The following BCAS3 variants were observed in gnomAD, a reference collection of about 807,000 sequenced individuals.
The protein encoded by BCAS3 is BCAS3 microtubule associated cell migration factor.
A neutral mutation model predicts 116.1 loss-of-function variants in BCAS3; 53 were observed. The ratio of observed to expected loss-of-function variants is 0.46; its 90% CI spans 0.37 to 0.57. The LOEUF (loss-of-function observed/expected upper bound fraction) is 0.57, where lower values mean the gene tolerates loss of function less well. Among genes scored for constraint, BCAS3 ranks in the 20% least tolerant of loss-of-function variants. The pLI is 0.00. For missense variants in BCAS3, 917 were observed against 1,165.4 expected (o/e 0.79, Z 3.10); for synonymous variants, 391 against 408.2 (o/e 0.96, Z 0.51).
At chr17:60,857,620 C>A (rs955546798) in intron 7 of BCAS3, among the ~76,000 whole-genome samples, 1 of 152,104 alleles carries the variant, frequency 6.6e-6, no homozygotes, top group Non-Finnish European at 1.5e-5. Context: ...CTCTCATCAG[C>A]CTGCCCATGA....
Position 61,180,726 on chromosome 17 carries a change from G to A in BCAS3, c.2425+96162G>A, listed in dbSNP as rs2079431566. 6.6e-6 allele frequency among the ~76,000 whole-genome samples: 1 copy of A among 152,210 alleles called. No individual in the cohort carries two copies. Among genetic ancestry groups the A allele is most frequent in the African/African-American group, 2.4e-5 (1 of 41,454 alleles). On this transcript the variant is annotated intron_variant, in intron 22 of 23. Coordinates refer to ENST00000407086, the MANE Select transcript of BCAS3 (RefSeq NM_017679.5). This position sits in a 1 kb window ranked among gnomAD's most constrained non-coding sequence, Gnocchi z 6.0. ...AAAGCAGCAGCTTAGATGGCATATG[G>A]CACTATCTGCAGTAGGCTTTGTGCT...
chr17:61,116,934 T>G (rs2075500799), intron 22 of BCAS3, among the ~76,000 whole-genome samples: 1 of 152,208 alleles, frequency 6.6e-6, no homozygotes, highest in African/African-American at 2.4e-5. Flanking sequence ...TGTCTTTCAT[T>G]TTCAGAAGTT....
In BCAS3 at chr17:61,214,993, C is replaced by T. The variant is rs921352429; in HGVS notation, c.2425+130429C>T. ...TACAGCCTCTATATACCTCTTACAC[C>T]CACTAGATAGAACTAATCAGGATCT... On this transcript the variant is annotated intron_variant, in intron 22 of 23. Transcript: ENST00000407086. The surrounding 1 kb of genome is among the most constrained non-coding windows in gnomAD (Gnocchi z 4.4). Among the ~76,000 whole-genome samples, 1 of 152,118 alleles carries T rather than the reference C, an allele frequency of 6.6e-6. No homozygotes were observed. Among genetic ancestry groups the T allele is most frequent in the African/African-American group, 2.4e-5 (1 of 41,414 alleles).
chr17:61,085,362 A>G (rs938418462), intron 22 of BCAS3, among the ~76,000 whole-genome samples: 2 of 152,236 alleles, frequency 1.3e-5, no homozygotes, highest in Non-Finnish European at 2.9e-5. Flanking sequence ...CAGTTGAGTC[A>G]GAGAGGATTT....
Position 61,066,320 on chromosome 17 carries a change from T to C in BCAS3, c.2030-8600T>C, listed in dbSNP as rs531681386. 2.0e-5 allele frequency among the ~76,000 whole-genome samples: 3 copies of C among 152,342 alleles called. No homozygotes were observed. The East Asian group carries it at 5.8e-4, about 29-fold the overall frequency. On this transcript the variant is annotated intron_variant, in intron 19 of 23. Coordinates refer to ENST00000407086, the MANE Select transcript of BCAS3 (RefSeq NM_017679.5). ...CAAACCAAATAGACTTTTCCTTCAT[T>C]ACTTTCATAAATAAGCACTGCTCGA...
Position 61,097,303 on chromosome 17 carries a change from C to T in BCAS3, c.2425+12739C>T, listed in dbSNP as rs141744404. ...ATGCCATTCTCTTGCCTCAGCCTCC[C>T]GAGTAGCTGGGACTACAGGCGCCCG... is the stretch of plus-strand genomic sequence containing the variant. On this transcript the variant is annotated intron_variant, in intron 22 of 23. Coordinates refer to ENST00000407086, the MANE Select transcript of BCAS3 (RefSeq NM_017679.5). The surrounding 1 kb of genome is among the most constrained non-coding windows in gnomAD (Gnocchi z 4.0). Among the ~76,000 whole-genome samples the T allele has an allele frequency of 1.5e-3, 226 of 152,212 alleles. 3 individuals carry two copies. The East Asian group carries it at 0.031, about 21-fold the overall frequency.
chr17:61,184,162 C>T (rs1329783415), intron 22 of BCAS3, among the ~76,000 whole-genome samples: 1 of 152,086 alleles, frequency 6.6e-6, no homozygotes, highest in Non-Finnish European at 1.5e-5. Context: ...CCCTGTTTTT[C>T]CCAGAGAAAA....
At chr17:60,802,964 T>C (rs2047952412) in intron 6 of BCAS3, among the ~76,000 whole-genome samples, 2 of 151,486 alleles carry the variant, frequency 1.3e-5, no homozygotes, top group Non-Finnish European at 1.5e-5. Flanking sequence ...GTTGTGTTGT[T>C]TGTTTGTTGG....
intron 7 of BCAS3, among the ~76,000 whole-genome samples, chr17:60,863,582 AAAAAT>A (rs753604566): frequency 2.0e-5 from 3 of 152,020 alleles, no homozygotes; most frequent in African/African-American, 7.3e-5. Flanking sequence ...CACTGTCTAA[AAAAAT>A]AAAATAAAAT....
At position 61,220,826 on chromosome 17, in the gene BCAS3, C is replaced by T. The variant is rs1256978694; in HGVS notation, c.2425+136262C>T. 3.3e-5 allele frequency among the ~76,000 whole-genome samples: 5 copies of T among 150,906 alleles called. No individual in the cohort carries two copies. The highest frequency in any genetic ancestry group is 9.8e-5 in the African/African-American group (4 of 40,974). ...ACCTAGAAAGTGTAGTTCGGCTGGG[C>T]GCGGTGGCTCACGCCTGTAATCCCA... On this transcript the variant is annotated intron_variant, in intron 22 of 23. Transcript: ENST00000407086. This position sits in a 1 kb window ranked among gnomAD's most constrained non-coding sequence, Gnocchi z 4.5.
rs55811444 is a variant in BCAS3 at position 61,160,022 on chromosome 17, G to A, written c.2425+75458G>A. 9.0e-4 allele frequency among the ~76,000 whole-genome samples: 131 copies of A among 144,848 alleles called. 2 individuals carry two copies. The highest frequency in any genetic ancestry group is 3.3e-3 in the African/African-American group (127 of 38,906). ...TTTTTTTTTTTGTAGTGACAGTCTCGCTGGTATCTTTGATTTAAATAAAAA... is the reference window on the plus strand; with the variant it reads ...TTTTTTTTTTTGTAGTGACAGTCTCACTGGTATCTTTGATTTAAATAAAAA... On this transcript the variant is annotated intron_variant, in intron 22 of 23. Transcript: ENST00000407086.
chr17:61,388,122 A>G lies in BCAS3; in HGVS notation c.2594-3855A>G, dbSNP rs1364629961. Among the ~76,000 whole-genome samples, 1 of 152,076 alleles carries G rather than the reference A, an allele frequency of 6.6e-6. No homozygotes were observed. Among genetic ancestry groups the G allele is most frequent in the Admixed American group, 6.5e-5 (1 of 15,278 alleles). On this transcript the variant is annotated intron_variant, in intron 23 of 23. Coordinates refer to ENST00000407086, the MANE Select transcript of BCAS3 (RefSeq NM_017679.5). This position sits in a 1 kb window ranked among gnomAD's most constrained non-coding sequence, Gnocchi z 6.5. ...CCTGATGGACTTCCCCAACAGGTCC[A>G]CCTCAACCGCAGGACAGCTGCTCAG... is the stretch of plus-strand genomic sequence containing the variant.
rs2077156977 is a variant in BCAS3 at position 61,145,590 on chromosome 17, T to C, written c.2425+61026T>C. On this transcript the variant is annotated intron_variant, in intron 22 of 23. Coordinates refer to ENST00000407086, the MANE Select transcript of BCAS3 (RefSeq NM_017679.5). The surrounding 1 kb of genome is among the most constrained non-coding windows in gnomAD (Gnocchi z 5.0). ...TGATCTGTGCAGGAGTTCATTGAACTGTACAGCACAGCACCAGACCCTTGT... is the reference window on the plus strand; with the variant it reads ...TGATCTGTGCAGGAGTTCATTGAACCGTACAGCACAGCACCAGACCCTTGT... 6.6e-6 allele frequency among the ~76,000 whole-genome samples: 1 copy of C among 152,214 alleles called. No individual in the cohort carries two copies. The highest frequency in any genetic ancestry group is 2.1e-4 in the South Asian group (1 of 4,832).
rs1180073428 is a variant in BCAS3, at chr17:61,388,175, A to C, written c.2594-3802A>C. 1 of 156,438 alleles carries C rather than the reference A, an allele frequency of 6.4e-6. No individual in the cohort carries two copies. Among genetic ancestry groups the C allele is most frequent in the East Asian group, 1.9e-4 (1 of 5,304 alleles). 9.7% of individuals were successfully genotyped at this position (156,438 alleles called of 1,614,324 possible). A position where few individuals can be genotyped will look rare whatever the true frequency, so the allele number is the denominator to read the frequency against. On this transcript the variant is annotated intron_variant, in intron 23 of 23. Transcript: ENST00000407086. The surrounding 1 kb of genome is among the most constrained non-coding windows in gnomAD (Gnocchi z 6.5). ...CTGGAGGTCTTGGGAGTGGGGGAGGAGGGCAGCAGCCAGGAGTTGGGCCAC... is the reference window on the plus strand; with the variant it reads ...CTGGAGGTCTTGGGAGTGGGGGAGGCGGGCAGCAGCCAGGAGTTGGGCCAC...
intron 22 of BCAS3, among the ~76,000 whole-genome samples, chr17:61,287,057 G>C (rs1237048694): frequency 6.6e-6 from 1 of 151,742 alleles, no homozygotes; most frequent in Non-Finnish European, 1.5e-5. Context: ...GACCATCCTG[G>C]CTAACACGGT....
chr17:60,895,009 C>T (rs1370481541), intron 10 of BCAS3, among the ~76,000 whole-genome samples: 2 of 151,930 alleles, frequency 1.3e-5, no homozygotes, highest in Admixed American at 1.3e-4. Context: ...CATCAGGGAT[C>T]TTGGCCTATA....
Position 61,139,288 on chromosome 17 carries a change from T to G in BCAS3, c.2425+54724T>G, listed in dbSNP as rs1433844247. 2.0e-5 allele frequency among the ~76,000 whole-genome samples: 3 copies of G among 152,222 alleles called. No individual in the cohort carries two copies. The highest frequency in any genetic ancestry group is 6.5e-5 in the Admixed American group (1 of 15,288). On this transcript the variant is annotated intron_variant, in intron 22 of 23. Transcript: ENST00000407086. The surrounding 1 kb of genome is among the most constrained non-coding windows in gnomAD (Gnocchi z 4.7). ...AGAAAGTGTGAAGATTTTTTTTTCTTCATTTCCTGATTTGCTTCTTTAAGG... is the reference window on the plus strand; with the variant it reads ...AGAAAGTGTGAAGATTTTTTTTTCTGCATTTCCTGATTTGCTTCTTTAAGG...
In BCAS3 at chr17:61,355,354, A is replaced by G. The variant is rs1054426686; in HGVS notation, c.2426-12973A>G. ...GTTTGACTTATTTGTGGAGCACAGA[A>G]ATCACAGGATTTAGCTGGGTTGCTC... On this transcript the variant is annotated intron_variant, in intron 22 of 23. Coordinates refer to ENST00000407086, the MANE Select transcript of BCAS3 (RefSeq NM_017679.5). The surrounding 1 kb of genome is among the most constrained non-coding windows in gnomAD (Gnocchi z 4.2). Among the ~76,000 whole-genome samples, 3 of 152,154 alleles carry G rather than the reference A, an allele frequency of 2.0e-5. No individual in the cohort carries two copies. Among genetic ancestry groups the G allele is most frequent in the Admixed American group, 2.0e-4 (3 of 15,274 alleles).
intron 14 of BCAS3, among the ~76,000 whole-genome samples, chr17:60,951,764 CTTT>C (rs769133578): frequency 1.8e-5 from 2 of 109,502 alleles, no homozygotes; most frequent in Admixed American, 1.0e-4. Context: ...TCTTTTCTTT[CTTT>C]TTTTTTTTTT....
Sources: gnomAD v4.1 joint callset for allele counts (sites outside exome capture counted in the v4.1 genomes callset) on GRCh38, gnomAD v4.1.1 for gene constraint, Gnocchi (gnomAD v3.1) non-coding constraint, MANE v1.5 for transcripts, NCBI Gene and HGNC (gene_info 2026-07-23, HGNC 2026-07-21) for gene names.